PEMT: variants seen among roughly 807,000 people sequenced by gnomAD.
The protein encoded by PEMT is phospholipid methyltransferase.
In PEMT, 23 loss-of-function variants were observed where a neutral mutation model predicts 27.4. That is an observed-to-expected ratio of 0.84 (90% CI 0.60 to 1.19). PEMT has a LOEUF of 1.19. Among genes scored for constraint, PEMT ranks in the 50% most tolerant of loss-of-function variants. PEMT has a pLI of 0.00. For synonymous variants in PEMT, 137 were observed against 139.1 expected (o/e 0.98, Z 0.11); for missense variants, 307 against 310.1 (o/e 0.99, Z 0.07).
Position 17,512,579 on chromosome 17 carries a change from C to A in PEMT, c.396G>T (p.Ala132=), listed in dbSNP as rs35277795. ...DTPAAYSLGL[A]LLGLGVVLVL... is the part of the protein sequence containing the mutation. Reference sequence around the variant, plus strand: ...CGAGCACGACGCCCAGTCCCAGGAGCGCGAGGCCCAGGCTGTAGGCCGCGG... The same window carrying A: ...CGAGCACGACGCCCAGTCCCAGGAGAGCGAGGCCCAGGCTGTAGGCCGCGG... Residue 132 remains alanine (A), a synonymous_variant, in exon 4 of 7, where the codon GCG becomes GCT. Transcript: ENST00000255389. This position sits in a 1 kb window ranked among gnomAD's most constrained non-coding sequence, Gnocchi z 6.3. 6.2e-7 allele frequency: 1 copy of A among 1,607,740 alleles called. No homozygotes were observed. Among genetic ancestry groups the A allele is most frequent in the Non-Finnish European group, 8.5e-7 (1 of 1,176,946 alleles).
At chr17:17,539,953 C>T (rs1908764958) in intron 2 of PEMT, among the ~76,000 whole-genome samples, 3 of 152,184 alleles carry the variant, frequency 2.0e-5, no homozygotes, top group Admixed American at 2.0e-4. Context: ...TCACAGCCTC[C>T]ACGCAGGAGG....
chr17:17,530,267 G>A (rs1907994351), intron 2 of PEMT, among the ~76,000 whole-genome samples: 2 of 152,146 alleles, frequency 1.3e-5, no homozygotes, highest in Non-Finnish European at 1.5e-5. Context: ...TGGCCGAGGC[G>A]GGCGGATCAC....
chr17:17,585,295 G>C (rs535035971), intron 1 of PEMT, among the ~76,000 whole-genome samples: 1 of 152,314 alleles, frequency 6.6e-6, no homozygotes, highest in East Asian at 1.9e-4. Context: ...CTGAGGTCAT[G>C]CCACTGCACT....
intron 3 of PEMT, among the ~76,000 whole-genome samples, chr17:17,515,702 C>T (rs907052668): frequency 1.3e-5 from 2 of 152,186 alleles, no homozygotes; most frequent in Admixed American, 6.5e-5. Flanking sequence ...AAGCACAGTC[C>T]GTCCATTCCA....
At chr17:17,578,977 A>G (rs928016428) in intron 1 of PEMT, among the ~76,000 whole-genome samples, 1 of 152,216 alleles carries the variant, frequency 6.6e-6, no homozygotes, top group South Asian at 2.1e-4. Context: ...AAATAAGTGT[A>G]AAGTCCATCA....
intron 4 of PEMT, among the ~76,000 whole-genome samples, chr17:17,511,580 C>T (rs1906399599): frequency 6.6e-6 from 1 of 152,210 alleles, no homozygotes; most frequent in African/African-American, 2.4e-5. Context: ...ACCGTTGGTC[C>T]CAGGAGGCTA....
chr17:17,535,100 G>A (rs1373218580), intron 2 of PEMT, among the ~76,000 whole-genome samples: 1 of 151,738 alleles, frequency 6.6e-6, no homozygotes, highest in African/African-American at 2.4e-5. Context: ...TAGTAGAGAG[G>A]GGTTTCACCA....
At chr17:17,575,484 C>T (rs898414088) in intron 2 of PEMT, among the ~76,000 whole-genome samples, 1 of 152,214 alleles carries the variant, frequency 6.6e-6, no homozygotes, top group African/African-American at 2.4e-5. Flanking sequence ...CTCTGGCATG[C>T]TGGGTGTGTG....
intron 2 of PEMT, among the ~76,000 whole-genome samples, chr17:17,564,692 C>T (rs1369666122): frequency 2.6e-5 from 4 of 152,220 alleles, no homozygotes; most frequent in Non-Finnish European, 4.4e-5. Flanking sequence ...TCTCTCTTCC[C>T]TCTGCTCCCA....
intron 3 of PEMT, among the ~76,000 whole-genome samples, chr17:17,514,323 C>T (rs547695218): frequency 5.4e-4 from 83 of 152,352 alleles, no homozygotes; most frequent in Non-Finnish European, 1.0e-3. Context: ...CCCTGCGTAT[C>T]CCCCCAGCAC....
At chr17:17,506,886 C>T in intron 5 of PEMT, 2 of 484,996 alleles carry the variant, frequency 4.1e-6, no homozygotes, top group Non-Finnish European at 7.4e-6. Flanking sequence ...CAACACCTAG[C>T]CCAGCTTGGG....
chr17:17,585,615 A>C (rs1026089248), intron 1 of PEMT, among the ~76,000 whole-genome samples: 8 of 152,214 alleles, frequency 5.3e-5, no homozygotes, highest in Non-Finnish European at 8.8e-5. Flanking sequence ...TGTTTGTTTC[A>C]ATTGACCATT....
chr17:17,531,612 T>C (rs2142567421), intron 2 of PEMT, among the ~76,000 whole-genome samples: 1 of 93,666 alleles, frequency 1.1e-5, no homozygotes, highest in East Asian at 3.1e-4. Flanking sequence ...AACAATTGGC[T>C]ATCATATGCA....
chr17:17,569,963 T>A (rs1911076520), intron 2 of PEMT, among the ~76,000 whole-genome samples: 2 of 152,192 alleles, frequency 1.3e-5, no homozygotes, highest in Admixed American at 1.3e-4. Flanking sequence ...TGACTGCTGC[T>A]CTTTACCTCC....
intron 2 of PEMT, among the ~76,000 whole-genome samples, chr17:17,572,664 T>C (rs1465293124): frequency 6.6e-6 from 1 of 152,202 alleles, no homozygotes; most frequent in African/African-American, 2.4e-5. Context: ...CATTCACCAC[T>C]GAAGCTGCTG....
At chr17:17,574,609 C>A (rs917808957) in intron 2 of PEMT, among the ~76,000 whole-genome samples, 9 of 152,306 alleles carry the variant, frequency 5.9e-5, no homozygotes, top group African/African-American at 1.9e-4. Flanking sequence ...GCGTGGGCCA[C>A]CGCGCCCGGC....
intron 1 of PEMT, among the ~76,000 whole-genome samples, chr17:17,588,893 T>C (rs1912457973): frequency 6.6e-6 from 1 of 152,212 alleles, no homozygotes; most frequent in South Asian, 2.1e-4. Flanking sequence ...AAAAGGGCCT[T>C]AGTCAGTGGG....
At chr17:17,581,254 C>T (rs1911958346) in intron 1 of PEMT, among the ~76,000 whole-genome samples, 1 of 152,164 alleles carries the variant, frequency 6.6e-6, no homozygotes, top group Non-Finnish European at 1.5e-5. Flanking sequence ...CTGAGCTCCA[C>T]TAAGGAGGCC....
At chr17:17,545,832 A>T (rs1031699795) in intron 2 of PEMT, among the ~76,000 whole-genome samples, 17 of 152,330 alleles carry the variant, frequency 1.1e-4, no homozygotes, top group Admixed American at 1.1e-3. Flanking sequence ...CTGGAATCTA[A>T]GGGCTGATGT....
Sources: allele counts gnomAD v4.1 joint callset (sites outside exome capture counted in the v4.1 genomes callset), GRCh38; gene constraint gnomAD v4.1.1; non-coding constraint Gnocchi (gnomAD v3.1); transcripts MANE v1.5; gene names NCBI Gene and HGNC (gene_info 2026-07-23, HGNC 2026-07-21).